The following CNTN1 variants were observed in gnomAD, a reference collection of about 807,000 sequenced individuals.
CNTN1 encodes the protein contactin-1.
A neutral mutation model predicts 126.4 loss-of-function variants in CNTN1; 38 were observed. The ratio of observed to expected loss-of-function variants is 0.30; its 90% CI spans 0.23 to 0.39. The LOEUF is 0.39. Ranked by LOEUF, CNTN1 falls within the 10% of genes least tolerant of loss-of-function variation. The probability of loss-of-function intolerance (pLI) is 1.00; values close to 1 mark genes in which losing one functional copy is unlikely to be tolerated. For synonymous variants in CNTN1, 413 were observed against 422.6 expected (o/e 0.98, Z 0.28); for missense variants, 1,009 against 1,248.4 (o/e 0.81, Z 2.89).
In CNTN1 at chr12:40,959,223, T is replaced by C; in HGVS notation, c.1793T>C (p.Leu598Pro). The change falls in exon 15 of 24, where the codon CTT (leucine) becomes CCT (proline). Residue 598 changes from leucine to proline, a missense_variant. Transcript: ENST00000551295. Reference protein sequence around the residue: ...IVDNSSASADLVVRGPPGPPG... With the variant: ...IVDNSSASADPVVRGPPGPPG... ...GACAATTCTTCAGCTTCAGCTGACC[T>C]TGTAGTGAGAGGTAAGAGTTTCAAC... The C allele has an allele frequency of 6.2e-7, 1 of 1,612,508 alleles. No homozygotes were observed. The highest frequency in any genetic ancestry group is 8.5e-7 in the Non-Finnish European group (1 of 1,178,942).
At chr12:40,750,330 G>C (rs564081778) in intron 1 of CNTN1, among the ~76,000 whole-genome samples, 1 of 151,726 alleles carries the variant, frequency 6.6e-6, no homozygotes, top group Non-Finnish European at 1.5e-5. Context: ...AGATATAAAG[G>C]TATGGATGTG....
At chr12:40,901,943 ACATACCATTAGT>A (rs1944623550) in intron 1 of CNTN1, among the ~76,000 whole-genome samples, 1 of 152,192 alleles carries the variant, frequency 6.6e-6, no homozygotes, top group Non-Finnish European at 1.5e-5. Flanking sequence ...CTGATCTAAA[ACATACCATTAGT>A]CAGTTAAAGG....
chr12:40,703,861 G>T (rs1013020097), intron 1 of CNTN1, among the ~76,000 whole-genome samples: 3 of 152,074 alleles, frequency 2.0e-5, no homozygotes, highest in African/African-American at 4.8e-5. Flanking sequence ...TGGGGCTAGA[G>T]ATACAGTAAT....
intron 23 of CNTN1, among the ~76,000 whole-genome samples, chr12:41,064,487 G>A (rs1252972469): frequency 1.3e-5 from 2 of 152,220 alleles, no homozygotes; most frequent in Non-Finnish European, 2.9e-5. Context: ...ATGAAATGTA[G>A]TAGGAATTGC....
rs397957366 is a variant in CNTN1 at position 40,844,069 on chromosome 12, ATTT to A, written c.-76-64274_-76-64272del. Among the ~76,000 whole-genome samples the A allele has an allele frequency of 4.7e-5, 4 of 84,658 alleles. 1 individual carries two copies. The highest frequency in any genetic ancestry group is 8.7e-4 in the South Asian group (2 of 2,288). The allele number at this position is 84,658 out of a possible 152,430, so 55.5% of individuals were successfully genotyped here. The stretch of plus-strand genomic sequence containing the variant: ...ATTGAAAAAATTCTTTGGCACAATG[ATTT>A]TTTTTTTTTTTTTGAGACGGAGTCT... On this transcript the variant is annotated intron_variant, in intron 1 of 23. Transcript: ENST00000551295.
At chr12:40,966,481 A>G (rs1327648175) in intron 15 of CNTN1, among the ~76,000 whole-genome samples, 1 of 152,206 alleles carries the variant, frequency 6.6e-6, no homozygotes, top group Admixed American at 6.5e-5. Context: ...CTGGTTCTCC[A>G]TAATTGTAAT....
intron 1 of CNTN1, among the ~76,000 whole-genome samples, chr12:40,837,942 A>G (rs1238638182): frequency 6.6e-6 from 1 of 152,074 alleles, no homozygotes; most frequent in Admixed American, 6.5e-5. Flanking sequence ...TCTACCAGCT[A>G]TGGCCACTGA....
At chr12:40,923,029 G>A (rs1386725037) in intron 5 of CNTN1, among the ~76,000 whole-genome samples, 3 of 150,516 alleles carry the variant, frequency 2.0e-5, no homozygotes, top group Non-Finnish European at 4.4e-5. Flanking sequence ...TATCAAAGGG[G>A]CACTATCACC....
intron 1 of CNTN1, among the ~76,000 whole-genome samples, chr12:40,815,512 T>A (rs1393333781): frequency 1.3e-5 from 2 of 152,208 alleles, no homozygotes; most frequent in African/African-American, 4.8e-5. Flanking sequence ...ATCCTGAGAC[T>A]TTGCTGAAGT....
intron 23 of CNTN1, among the ~76,000 whole-genome samples, chr12:41,043,755 T>C (rs1949476003): frequency 6.6e-6 from 1 of 151,448 alleles, no homozygotes; most frequent in Admixed American, 6.6e-5. Flanking sequence ...AACCCAAATG[T>C]CCAACAATGA....
At chr12:41,049,932 C>T (rs1488862305) in intron 23 of CNTN1, among the ~76,000 whole-genome samples, 1 of 152,200 alleles carries the variant, frequency 6.6e-6, no homozygotes, top group Admixed American at 6.5e-5. Flanking sequence ...GAGTCTTGCT[C>T]TATCACCCAG....
At chr12:41,017,626 A>C (rs1277331862) in intron 19 of CNTN1, among the ~76,000 whole-genome samples, 2 of 152,096 alleles carry the variant, frequency 1.3e-5, no homozygotes, top group Non-Finnish European at 2.9e-5. Flanking sequence ...AAACAATGCT[A>C]ATACCAGCTC....
intron 1 of CNTN1, among the ~76,000 whole-genome samples, chr12:40,805,957 T>C (rs970125815): frequency 1.3e-5 from 2 of 152,118 alleles, no homozygotes; most frequent in African/African-American, 4.8e-5. Flanking sequence ...GCTTGTTTGT[T>C]TTCTTTCCTA....
chr12:41,067,418 T>G (rs1244240066), intron 23 of CNTN1, among the ~76,000 whole-genome samples: 1 of 152,084 alleles, frequency 6.6e-6, no homozygotes, highest in Non-Finnish European at 1.5e-5. Flanking sequence ...CCATGATAGA[T>G]GTAATTTGTG....
chr12:40,939,408 T>A lies in CNTN1; in HGVS notation c.1302T>A (p.Ile434=), dbSNP rs1946189157. The A allele has an allele frequency of 6.2e-7, 1 of 1,613,950 alleles. No homozygotes were observed. Among genetic ancestry groups the A allele is most frequent in the Non-Finnish European group, 8.5e-7 (1 of 1,179,952 alleles). The part of the protein sequence containing the change: ...ILAAKGGRVI[I]ECKPKAAPKP... The stretch of plus-strand genomic sequence containing the variant: ...CTGCTAAAGGTGGAAGGGTGATAAT[T>A]GAATGCAAACCTAAAGCTGCACCGA... The change falls in exon 12 of 24, where the codon ATT becomes ATA. Residue 434 remains isoleucine (I), a synonymous_variant. Transcript: ENST00000551295.
At chr12:40,737,598 A>C (rs1195883309) in intron 1 of CNTN1, among the ~76,000 whole-genome samples, 2 of 151,692 alleles carry the variant, frequency 1.3e-5, no homozygotes, top group South Asian at 2.1e-4. Context: ...ATTCGCCGGC[A>C]GCTGAGTAGA....
intron 23 of CNTN1, among the ~76,000 whole-genome samples, chr12:41,061,210 G>C (rs1270493685): frequency 6.6e-6 from 1 of 152,170 alleles, no homozygotes; most frequent in African/African-American, 2.4e-5. Context: ...AATTGGGCTT[G>C]TTGAGCATGT....
chr12:40,974,212 T>G (rs56941788), intron 15 of CNTN1, among the ~76,000 whole-genome samples: 2,249 of 152,254 alleles, frequency 0.015, 62 homozygotes, highest in African/African-American at 0.052. Context: ...GATTACCAAA[T>G]ATATTTATAG....
At chr12:41,024,586 T>G (rs1370767470) in intron 20 of CNTN1, among the ~76,000 whole-genome samples, 1 of 152,156 alleles carries the variant, frequency 6.6e-6, no homozygotes, top group East Asian at 1.9e-4. Flanking sequence ...ATTAGATATA[T>G]TTCTTTGATA....
Sources: gnomAD v4.1 joint callset for allele counts (sites outside exome capture counted in the v4.1 genomes callset) on GRCh38, gnomAD v4.1.1 for gene constraint, MANE v1.5 for transcripts, NCBI Gene and HGNC (gene_info 2026-07-23, HGNC 2026-07-21) for gene names.